The following NR2E3 variants were observed in gnomAD, a reference collection of about 807,000 sequenced individuals.
NR2E3 encodes the protein nuclear receptor subfamily 2 group E member 3, also known as photoreceptor-specific nuclear receptor.
A neutral mutation model predicts 37.6 loss-of-function variants in NR2E3; 38 were observed. The observed-to-expected ratio is 1.01, with a 90% CI of 0.78 to 1.33. The LOEUF is 1.33. Among genes scored for constraint, NR2E3 ranks in the 40% most tolerant of loss-of-function variants. NR2E3 has a pLI of 0.00. For synonymous variants in NR2E3, 235 were observed against 225.1 expected (o/e 1.04, Z -0.39); for missense variants, 562 against 558.7 (o/e 1.01, Z -0.06).
Position 71,812,619 on chromosome 15 carries a change from C to G in NR2E3, c.747+108C>G, listed in dbSNP as rs1025680398. ...ATCCCCACGCCAGTATGAATGCACACAGCTTGGATGGTGATGGCTGGGGAC... is the reference window on the plus strand; with the variant it reads ...ATCCCCACGCCAGTATGAATGCACAGAGCTTGGATGGTGATGGCTGGGGAC... On this transcript the variant is annotated intron_variant, in intron 5 of 7. Transcript: ENST00000617575. The G allele has an allele frequency of 5.2e-6, 5 of 959,300 alleles. No homozygotes were observed. The African/African-American group carries it at 8.3e-5, about 16-fold the overall frequency. The allele number at this position is 959,300 out of a possible 1,614,324, so 59.4% of individuals were successfully genotyped here. A position where few individuals can be genotyped will look rare whatever the true frequency, so the allele number is the denominator to read the frequency against.
chr15:71,816,500 T>G (rs1183233731), intron 7 of NR2E3, among the ~76,000 whole-genome samples: 2 of 152,060 alleles, frequency 1.3e-5, no homozygotes, highest in African/African-American at 4.8e-5. Flanking sequence ...GACCTCGTGT[T>G]CCGCCCGCCT....
rs1294492093 is a variant in NR2E3, at chr15:71,813,133, A to G, written c.748-256A>G. On this transcript the variant is annotated intron_variant, in intron 5 of 7. Coordinates refer to ENST00000617575, the MANE Select transcript of NR2E3 (RefSeq NM_014249.4). This position sits in a 1 kb window ranked among gnomAD's most constrained non-coding sequence, Gnocchi z 4.7. ...ATGAGGCATGTCTCTGAGGCTGCCC[A>G]ACTTCCAATGGCTCTGGGCGTTCCT... Among the ~76,000 whole-genome samples the G allele has an allele frequency of 6.6e-6, 1 of 152,190 alleles. No individual in the cohort carries two copies. The highest frequency in any genetic ancestry group is 1.5e-5 in the Non-Finnish European group (1 of 68,036).
chr15:71,815,966 G>T (rs11072332), intron 7 of NR2E3, among the ~76,000 whole-genome samples: 37,336 of 152,116 alleles, frequency 0.25, 4,779 homozygotes, highest in East Asian at 0.41. Flanking sequence ...AAGCAGGGAA[G>T]GCAGATGGGA....
In NR2E3 at chr15:71,813,638, A is replaced by G. The variant is rs1239050254; in HGVS notation, c.994+3A>G. The G allele has an allele frequency of 6.2e-7, 1 of 1,613,592 alleles. No homozygotes were observed. The highest frequency in any genetic ancestry group is 8.5e-7 in the Non-Finnish European group (1 of 1,179,878). The stretch of plus-strand genomic sequence containing the variant: ...GGCCTTGGTCCTCTTCAAGCCAGGT[A>G]ACTGAGTCTCTGCCCAAACCTTGAG... On this transcript the variant is annotated splice_donor_region_variant and intron_variant, in intron 6 of 7. Coordinates refer to ENST00000617575, the MANE Select transcript of NR2E3 (RefSeq NM_014249.4). This position sits in a 1 kb window ranked among gnomAD's most constrained non-coding sequence, Gnocchi z 4.7.
At position 71,812,493 on chromosome 15, in the gene NR2E3, C is replaced by T. The variant is rs747947987; in HGVS notation, c.729C>T (p.Ser243=). 6.2e-7 allele frequency: 1 copy of T among 1,611,658 alleles called. No homozygotes were observed. Among genetic ancestry groups the T allele is most frequent in the Non-Finnish European group, 8.5e-7 (1 of 1,178,364 alleles). Residue 243 remains serine, a synonymous_variant, in exon 5 of 8, where the codon AGC becomes AGT. Coordinates refer to ENST00000617575, the MANE Select transcript of NR2E3 (RefSeq NM_014249.4). ...CCAAGAACCTGCCTGTGTTCTCCAG[C>T]CTGCCCTTCCGGGATCAGGTACCTA... ...KWAKNLPVFS[S]LPFRDQVILL...
chr15:71,814,788 C>T (rs2054214854), intron 7 of NR2E3: 2 of 985,506 alleles, frequency 2.0e-6, no homozygotes, highest in East Asian at 1.1e-4. Context: ...GGGATGGCAG[C>T]TACTGCCACC....
chr15:71,812,138 T>C lies in NR2E3; in HGVS notation c.533T>C (p.Ile178Thr). 1 of 1,565,178 alleles carries C rather than the reference T, an allele frequency of 6.4e-7. No homozygotes were observed. The highest frequency in any genetic ancestry group is 8.7e-7 in the Non-Finnish European group (1 of 1,155,308). The change falls in exon 4 of 8, where the codon ATA (isoleucine) becomes ACA (threonine). Residue 178 changes from isoleucine (I) to threonine (T), a missense_variant. Physicochemically the swap from Ile to Thr is moderately conservative, Grantham distance 89. Transcript: ENST00000617575. ...GGCCACCACTTCATGGCCAGCCTTA[T>C]AACAGCTGAAACCTGTGCTAAGCTG... ...ALGHHFMASL[I>T]TAETCAKLEP...
chr15:71,816,464 A>G (rs568415214), intron 7 of NR2E3, among the ~76,000 whole-genome samples: 1 of 151,764 alleles, frequency 6.6e-6, no homozygotes, highest in South Asian at 2.1e-4. Flanking sequence ...GTTTCACCGC[A>G]TTAGCCAGGA....
chr15:71,813,746 G>A lies in NR2E3; in HGVS notation c.994+111G>A, dbSNP rs1341362631. 1.2e-5 allele frequency: 18 copies of A among 1,540,986 alleles called. No individual in the cohort carries two copies. The highest frequency in any genetic ancestry group is 2.7e-5 in the African/African-American group (2 of 73,762). On this transcript the variant is annotated intron_variant, in intron 6 of 7. Coordinates refer to ENST00000617575, the MANE Select transcript of NR2E3 (RefSeq NM_014249.4). This position sits in a 1 kb window ranked among gnomAD's most constrained non-coding sequence, Gnocchi z 4.7. ...GCAGATGTGTGTAGGCCTCTATCCT[G>A]GGGGGTGGGAGGAGAGTGGTGAGGC...
In NR2E3 at chr15:71,811,978, C is replaced by T. The variant is rs786205493; in HGVS notation, c.373C>T (p.Arg125Ter). 1.2e-5 allele frequency: 18 copies of T among 1,552,424 alleles called. No homozygotes were observed. The highest frequency in any genetic ancestry group is 1.2e-5 in the Non-Finnish European group (14 of 1,148,016). Residue 125 changes from arginine (R) to a stop codon, truncating the protein, a stop_gained, in exon 4 of 8, where the codon CGA (arginine) becomes TGA (stop). Coordinates refer to ENST00000617575, the MANE Select transcript of NR2E3 (RefSeq NM_014249.4). LOFTEE classifies it high-confidence loss of function. This position sits in a 1 kb window ranked among gnomAD's most constrained non-coding sequence, Gnocchi z 5.6. ...AGCCGTGCAGAACGAGCGCCAGCCG[C>T]GAAGCACAGCCCAGGTCCACCTGGA... ...QDAVQNERQP[R>*]STAQVHLDSM... is the part of the protein sequence containing the mutation.
intron 5 of NR2E3, 88 bp downstream of exon 5, chr15:71,812,599 C>A: frequency 8.6e-7 from 1 of 1,168,184 alleles, no homozygotes; most frequent in Non-Finnish European, 1.2e-6. Flanking sequence ...CACACATCCC[C>A]ACGCCAGTAT....
rs111266458 is a variant in NR2E3 at position 71,813,844 on chromosome 15, A to C, written c.995-168A>C. On this transcript the variant is annotated intron_variant, in intron 6 of 7. Transcript: ENST00000617575. The surrounding 1 kb of genome is among the most constrained non-coding windows in gnomAD (Gnocchi z 4.7). ...AGGGCAGGCTGGGAGCCCCTGGGAG[A>C]CCCTGAGCCCCAGCCGGAGCCCCTG... is the stretch of plus-strand genomic sequence containing the variant. Among the ~76,000 whole-genome samples, 1,913 of 151,534 alleles carry C rather than the reference A, an allele frequency of 0.013. 58 individuals are homozygous for C. Among genetic ancestry groups the C allele is most frequent in the Admixed American group, 0.058 (888 of 15,224 alleles).
intron 7 of NR2E3, 30 bp from the exon 8 acceptor site, chr15:71,817,522 A>T (rs372078485): frequency 6.4e-6 from 10 of 1,569,264 alleles, no homozygotes; most frequent in Non-Finnish European, 7.8e-6. Context: ...AGCTGGTCGT[A>T]AAACTGATGG....
At chr15:71,816,219 T>C (rs1424216527) in intron 7 of NR2E3, among the ~76,000 whole-genome samples, 1 of 151,792 alleles carries the variant, frequency 6.6e-6, no homozygotes, top group Non-Finnish European at 1.5e-5. Flanking sequence ...GGCTTCACCA[T>C]CCGTCTTTTG....
At position 71,811,341 on chromosome 15, in the gene NR2E3, T is replaced by C; in HGVS notation, c.119-142T>C. On this transcript the variant is annotated intron_variant, in intron 1 of 7. Transcript: ENST00000617575. This position sits in a 1 kb window ranked among gnomAD's most constrained non-coding sequence, Gnocchi z 5.6. ...ACAGTGAGGGAGACACTTCTCCAGA[T>C]GGAAGAGTCACGCGTGGGTTCGTTC... 1 of 705,722 alleles carries C rather than the reference T, an allele frequency of 1.4e-6. No homozygotes were observed. Among genetic ancestry groups the C allele is most frequent in the Non-Finnish European group, 2.4e-6 (1 of 424,260 alleles). 43.7% of individuals were successfully genotyped at this position (705,722 alleles called of 1,614,324 possible). A position where few individuals can be genotyped will look rare whatever the true frequency, so the allele number is the denominator to read the frequency against.
chr15:71,811,918 G>C lies in NR2E3; in HGVS notation c.350-37G>C. ...GGAGGTGACAAGAAATGGGCAGCGG[G>C]ACTGGCGTGTCGTCCTGACCCTTCC... On this transcript the variant is annotated intron_variant, in intron 3 of 7. Transcript: ENST00000617575. The surrounding 1 kb of genome is among the most constrained non-coding windows in gnomAD (Gnocchi z 5.6). 6.5e-7 allele frequency: 1 copy of C among 1,549,274 alleles called. No homozygotes were observed. Among genetic ancestry groups the C allele is most frequent in the Non-Finnish European group, 8.7e-7 (1 of 1,146,396 alleles).
At position 71,813,882 on chromosome 15, in the gene NR2E3, G is replaced by C. The variant is rs111447721; in HGVS notation, c.995-130G>C. 6.6e-7 allele frequency: 1 copy of C among 1,524,670 alleles called. No individual in the cohort carries two copies. Among genetic ancestry groups the C allele is most frequent in the African/African-American group, 1.4e-5 (1 of 72,604 alleles). The allele number at this position is 1,524,670 out of a possible 1,614,324, so 94.4% of individuals were successfully genotyped here. A position where few individuals can be genotyped will look rare whatever the true frequency, so the allele number is the denominator to read the frequency against. On this transcript the variant is annotated intron_variant, in intron 6 of 7. Coordinates refer to ENST00000617575, the MANE Select transcript of NR2E3 (RefSeq NM_014249.4). The surrounding 1 kb of genome is among the most constrained non-coding windows in gnomAD (Gnocchi z 4.7). ...GCCGGAGCCCCTGGTGGCTCCTCTG[G>C]GCCTGGCAGAGCCCACCCCACAGGG... is the stretch of plus-strand genomic sequence containing the variant.
intron 7 of NR2E3, among the ~76,000 whole-genome samples, chr15:71,817,245 C>A (rs1369959331): frequency 6.6e-6 from 1 of 151,908 alleles, no homozygotes; most frequent in Non-Finnish European, 1.5e-5. Context: ...ACTACAGGTG[C>A]CCGCCACCAC....
At position 71,813,487 on chromosome 15, in the gene NR2E3, G is replaced by A. The variant is rs776180877; in HGVS notation, c.846G>A (p.Glu282=). The change falls in exon 6 of 8, where the codon GAG becomes GAA. Residue 282 remains glutamate (E), a synonymous_variant. Transcript: ENST00000617575. This position sits in a 1 kb window ranked among gnomAD's most constrained non-coding sequence, Gnocchi z 4.7. ...GCTGTCCTCTGCTGGCACCGCCCGA[G>A]GCCTCTGCTGCCGGTGGTGCCCAGG... ...LDSCPLLAPP[E]ASAAGGAQGR... 8 of 1,611,806 alleles carry A rather than the reference G, an allele frequency of 5.0e-6. No individual in the cohort carries two copies. Among genetic ancestry groups the A allele is most frequent in the Non-Finnish European group, 5.1e-6 (6 of 1,179,046 alleles).
Sources: gnomAD v4.1 joint callset for allele counts (sites outside exome capture counted in the v4.1 genomes callset) on GRCh38, gnomAD v4.1.1 for gene constraint, Gnocchi (gnomAD v3.1) non-coding constraint, MANE v1.5 for transcripts, NCBI Gene and HGNC (gene_info 2026-07-23, HGNC 2026-07-21) for gene names.